DENND1A: variants seen among roughly 807,000 people sequenced by gnomAD.
DENND1A encodes DENN domain-containing protein 1A.
A neutral mutation model predicts 113.7 loss-of-function variants in DENND1A; 51 were observed. The observed-to-expected ratio is 0.45, with a 90% CI of 0.36 to 0.57. The LOEUF (loss-of-function observed/expected upper bound fraction) is 0.57, where lower values mean the gene tolerates loss of function less well. Ranked by LOEUF, DENND1A falls within the 20% of genes least tolerant of loss-of-function variation. DENND1A has a pLI of 0.00. For synonymous variants in DENND1A, 565 were observed against 570.8 expected, an observed-to-expected ratio of 0.99 and a Z score of 0.14; for missense variants, 1,258 against 1,395.9, an observed-to-expected ratio of 0.90 and a Z score of 1.57.
At chr9:123,439,332 T>G (rs1218817788) in intron 19 of DENND1A, among the ~76,000 whole-genome samples, 1 of 152,222 alleles carries the variant, frequency 6.6e-6, no homozygotes, top group African/African-American at 2.4e-5. Context: ...CTGAAAATAT[T>G]GATTAGAGAA....
intron 1 of DENND1A, among the ~76,000 whole-genome samples, chr9:123,918,657 A>G (rs923363705): frequency 6.6e-6 from 1 of 152,162 alleles, no homozygotes; most frequent in South Asian, 2.1e-4. Context: ...TGTTTAAAAA[A>G]TTAATAAAAT....
chr9:123,541,371 C>T (rs779618551), intron 13 of DENND1A, among the ~76,000 whole-genome samples: 2 of 152,172 alleles, frequency 1.3e-5, no homozygotes, highest in Non-Finnish European at 2.9e-5. Context: ...CACTTATCAA[C>T]CCAGGATAAA....
intron 1 of DENND1A, among the ~76,000 whole-genome samples, chr9:123,918,558 T>C (rs911164232): frequency 9.2e-5 from 14 of 151,834 alleles, no homozygotes; most frequent in East Asian, 3.9e-4. Context: ...GTGAGGACAG[T>C]AACTACAGCA....
chr9:123,585,184 C>T (rs890718727), intron 11 of DENND1A, among the ~76,000 whole-genome samples: 1 of 152,318 alleles, frequency 6.6e-6, no homozygotes, highest in Admixed American at 6.5e-5. Flanking sequence ...CTTCTCCACG[C>T]CTCTGGGGCT....
In DENND1A at chr9:123,516,884, C is replaced by CAAAAAAAAAAAAAAA. The variant is rs546001517; in HGVS notation, c.993+40671_993+40685dup. Among the ~76,000 whole-genome samples the CAAAAAAAAAAAAAAA allele has an allele frequency of 1.4e-3, 133 of 93,350 alleles. 1 individual carries two copies. The highest frequency in any genetic ancestry group is 1.8e-3 in the Non-Finnish European group (95 of 52,160). The allele number at this position is 93,350 out of a possible 152,430, so 61.2% of individuals were successfully genotyped here. ...CTGGTGACAGAGTGAGACTCTGTCTCAAAAAAAAAAAAAAAAAAAAAAAAA... is the reference window on the plus strand; with the variant it reads ...CTGGTGACAGAGTGAGACTCTGTCTCAAAAAAAAAAAAAAAAAAAAAAAAAAAAAAAAAAAAAAAA... On this transcript the variant is annotated intron_variant, in intron 13 of 23. Coordinates refer to ENST00000394215, the MANE Select transcript of DENND1A (RefSeq NM_001352964.2).
At chr9:123,863,648 T>C (rs770593571) in intron 2 of DENND1A, among the ~76,000 whole-genome samples, 14 of 152,186 alleles carry the variant, frequency 9.2e-5, no homozygotes, top group Non-Finnish European at 1.9e-4. Flanking sequence ...ACCATCTTCC[T>C]TGAACACCAA....
intron 13 of DENND1A, among the ~76,000 whole-genome samples, chr9:123,518,931 C>T (rs2054161023): frequency 6.6e-6 from 1 of 152,232 alleles, no homozygotes; most frequent in Non-Finnish European, 1.5e-5. Flanking sequence ...AACCCAAACT[C>T]CTTTCTATGG....
At chr9:123,447,417 T>G (rs528664329) in intron 18 of DENND1A, among the ~76,000 whole-genome samples, 1 of 152,198 alleles carries the variant, frequency 6.6e-6, no homozygotes, top group Non-Finnish European at 1.5e-5. Flanking sequence ...TTCAAATGCT[T>G]TGAAAATCTG....
In DENND1A at chr9:123,569,071, C is replaced by T. The variant is rs78052580; in HGVS notation, c.868-11376G>A. On this transcript the variant is annotated intron_variant, in intron 12 of 23. Coordinates refer to ENST00000394215, the MANE Select transcript of DENND1A (RefSeq NM_001352964.2). ...GTAAAGAAATGCAGAGGATTACAAA[C>T]GAACGAAAAAGTAGCCAAGATTCCA... 3.1e-4 allele frequency among the ~76,000 whole-genome samples: 47 copies of T among 152,212 alleles called. No homozygotes were observed. In the East Asian group the frequency reaches 4.6e-3, roughly 15 times the overall value.
intron 2 of DENND1A, among the ~76,000 whole-genome samples, chr9:123,813,120 C>T (rs1047219809): frequency 6.6e-6 from 1 of 152,056 alleles, no homozygotes; most frequent in Non-Finnish European, 1.5e-5. Context: ...CACCTGTGGT[C>T]TCAGCTAATT....
At chr9:123,676,870 A>C in intron 5 of DENND1A, 81 bp from the exon 6 acceptor site, 3 of 1,341,818 alleles carry the variant, frequency 2.2e-6, no homozygotes, top group Non-Finnish European at 3.2e-6. Context: ...AGACTGATAC[A>C]TTTCAGTTTT....
Position 123,609,489 on chromosome 9 carries a change from G to A in DENND1A, c.720-8C>T, listed in dbSNP as rs1350493275. 2 of 1,612,460 alleles carry A rather than the reference G, an allele frequency of 1.2e-6. No individual in the cohort carries two copies. The highest frequency in any genetic ancestry group is 2.2e-5 in the East Asian group (1 of 44,840). On this transcript the variant is annotated splice_polypyrimidine_tract_variant and splice_region_variant and intron_variant, in intron 10 of 23. Transcript: ENST00000394215. ...AGGTAGGGCATGGGAGCACTGTGAAGAGAAACAGAGACACACAGCTGCTTT... is the reference window on the plus strand; with the variant it reads ...AGGTAGGGCATGGGAGCACTGTGAAAAGAAACAGAGACACACAGCTGCTTT...
chr9:123,576,166 T>C (rs1343026327), intron 12 of DENND1A, among the ~76,000 whole-genome samples: 1 of 152,222 alleles, frequency 6.6e-6, no homozygotes, highest in Non-Finnish European at 1.5e-5. Flanking sequence ...CAGTCTACCT[T>C]CAAATAATAT....
chr9:123,453,329 T>C (rs1451460632), intron 16 of DENND1A, among the ~76,000 whole-genome samples: 1 of 152,088 alleles, frequency 6.6e-6, no homozygotes, highest in Non-Finnish European at 1.5e-5. Flanking sequence ...ACCTGGTCCA[T>C]GAAGGATAAA....
At chr9:123,705,236 G>A (rs577651078) in intron 5 of DENND1A, among the ~76,000 whole-genome samples, 4 of 152,208 alleles carry the variant, frequency 2.6e-5, no homozygotes, top group East Asian at 1.9e-4. Context: ...ATCTATTTAC[G>A]ACTTATTGGA....
chr9:123,726,946 CTG>C (rs941432527), intron 5 of DENND1A, among the ~76,000 whole-genome samples: 2 of 152,148 alleles, frequency 1.3e-5, no homozygotes, highest in African/African-American at 4.8e-5. Context: ...GCCAGGGACT[CTG>C]TGGTAGAGGG....
At chr9:123,723,121 G>A (rs1340255369) in intron 5 of DENND1A, among the ~76,000 whole-genome samples, 12 of 152,252 alleles carry the variant, frequency 7.9e-5, no homozygotes, top group Admixed American at 7.2e-4. Flanking sequence ...GAGACACGGA[G>A]TCAATGGAGA....
chr9:123,499,600 A>G (rs2052286528), intron 13 of DENND1A, among the ~76,000 whole-genome samples: 1 of 152,218 alleles, frequency 6.6e-6, no homozygotes, highest in East Asian at 1.9e-4. Context: ...AAGCACAAAG[A>G]TATTAAAAAC....
chr9:123,701,175 T>C (rs570769470), intron 5 of DENND1A, among the ~76,000 whole-genome samples: 3 of 152,158 alleles, frequency 2.0e-5, no homozygotes, highest in African/African-American at 7.2e-5. Context: ...AACTCAGAAG[T>C]AAAAATTGAT....
Sources: gnomAD v4.1 joint callset for allele counts (sites outside exome capture counted in the v4.1 genomes callset) on GRCh38, gnomAD v4.1.1 for gene constraint, MANE v1.5 for transcripts, NCBI Gene and HGNC (gene_info 2026-07-23, HGNC 2026-07-21) for gene names.